Variants in C7 observed in about 807,000 individuals in gnomAD.
C7 encodes the protein complement C7.
A neutral mutation model predicts 104.8 loss-of-function variants in C7; 83 were observed. The observed-to-expected ratio is 0.79, with a 90% CI of 0.66 to 0.95. C7 has a LOEUF of 0.95. Among genes scored for constraint, C7 ranks in the 40% least tolerant of loss-of-function variants. C7 has a pLI of 0.00. For synonymous variants in C7, 415 were observed against 360.6 expected (o/e 1.15, Z -1.71); for missense variants, 1,070 against 1,011.2 (o/e 1.06, Z -0.79).
intron 3 of C7, among the ~76,000 whole-genome samples, chr5:40,932,761 C>G (rs537815523): frequency 2.6e-5 from 4 of 151,964 alleles, no homozygotes; most frequent in Non-Finnish European, 2.9e-5. Flanking sequence ...TAAATAGAAG[C>G]AGAGAGATAG....
intron 14 of C7, chr5:40,972,184 G>A (rs938523135): frequency 1.4e-5 from 8 of 579,296 alleles, no homozygotes; most frequent in Admixed American, 8.8e-5. Context: ...AGGGGTGGGA[G>A]AGGGGGAGCT....
intron 1 of C7, among the ~76,000 whole-genome samples, chr5:40,917,032 G>T (rs1382642574): frequency 1.3e-5 from 2 of 151,880 alleles, no homozygotes; most frequent in African/African-American, 4.8e-5. Context: ...CTACTTGGGA[G>T]GCTGAGGCAA....
intron 6 of C7, among the ~76,000 whole-genome samples, chr5:40,941,480 T>C (rs1739935859): frequency 6.6e-6 from 1 of 151,960 alleles, no homozygotes. Flanking sequence ...AAAAAAGACT[T>C]TTTTCTGGTT....
At chr5:40,911,232 G>A (rs1250324875) in intron 1 of C7, 3 of 152,208 alleles carry the variant, frequency 2.0e-5, no homozygotes, top group African/African-American at 7.2e-5. Context: ...TTGGTGATAT[G>A]TGACAAAGAA....
rs1000192666 is a variant in C7, at chr5:40,947,817, T to G, written c.954T>G (p.Tyr318Ter). The part of the protein sequence containing the change: ...SLGGEYRVLF[Y>*]VDSEKLKQND... ...GAGGAGAATACAGAGTTCTATTTTA[T>G]GTGGACTCAGAAAAATTAAAACAAA... Residue 318 changes from tyrosine (Y) to a stop codon, truncating the protein, a stop_gained, in exon 8 of 18, where the codon TAT becomes TAG. Coordinates refer to ENST00000313164, the MANE Select transcript of C7 (RefSeq NM_000587.4). LOFTEE classifies it high-confidence loss of function. 1 of 1,612,326 alleles carries G rather than the reference T, an allele frequency of 6.2e-7. No homozygotes were observed.
intron 14 of C7, among the ~76,000 whole-genome samples, chr5:40,966,207 G>C (rs963594703): frequency 6.6e-6 from 1 of 151,798 alleles, no homozygotes; most frequent in Non-Finnish European, 1.5e-5. Flanking sequence ...TGGTGCACCC[G>C]TCACTCAGGC....
At chr5:40,962,915 ACT>A (rs1197892642) in intron 13 of C7, among the ~76,000 whole-genome samples, 1 of 152,120 alleles carries the variant, frequency 6.6e-6, no homozygotes, top group Non-Finnish European at 1.5e-5. Context: ...CTGAAAATTT[ACT>A]GTTTCCCCAA....
intron 14 of C7, chr5:40,967,757 AC>A: frequency 1.2e-5 from 2 of 173,812 alleles, no homozygotes; most frequent in South Asian, 1.4e-4. Context: ...ACTTTAACAA[AC>A]CCCATCCTGT....
intron 10 of C7, among the ~76,000 whole-genome samples, chr5:40,955,824 G>A (rs1183035990): frequency 1.3e-5 from 2 of 152,106 alleles, no homozygotes; most frequent in African/African-American, 2.4e-5. Flanking sequence ...TTTGATCTAA[G>A]TTCGATTATG....
intron 14 of C7, among the ~76,000 whole-genome samples, chr5:40,969,301 T>C (rs1392790848): frequency 2.6e-5 from 4 of 152,236 alleles, no homozygotes; most frequent in Non-Finnish European, 4.4e-5. Context: ...GTTGTAATTC[T>C]CCATCTTGTC....
intron 15 of C7, among the ~76,000 whole-genome samples, chr5:40,976,388 G>C (rs113982069): frequency 6.6e-6 from 1 of 152,184 alleles, no homozygotes; most frequent in African/African-American, 2.4e-5. Flanking sequence ...GCCTGGGCCA[G>C]TTTGTTAAAT....
At chr5:40,927,859 T>C (rs943314862) in intron 1 of C7, among the ~76,000 whole-genome samples, 5 of 152,210 alleles carry the variant, frequency 3.3e-5, no homozygotes, top group Non-Finnish European at 2.9e-5. Flanking sequence ...GGAATGTAAA[T>C]TAGTACAGCT....
chr5:40,923,527 C>T (rs1349627371), intron 1 of C7, among the ~76,000 whole-genome samples: 2 of 152,124 alleles, frequency 1.3e-5, no homozygotes, highest in African/African-American at 4.8e-5. Context: ...AGGCAGATCA[C>T]CTGAGGTCAG....
intron 6 of C7, among the ~76,000 whole-genome samples, chr5:40,943,493 G>T (rs1739982882): frequency 6.6e-6 from 1 of 151,570 alleles, no homozygotes; most frequent in Non-Finnish European, 1.5e-5. Flanking sequence ...AGAAGATGCT[G>T]AACTAAAGCA....
In C7 at chr5:40,982,663, A is replaced by G. The variant is rs1024975753; in HGVS notation, c.*1090A>G. 9.2e-5 allele frequency: 14 copies of G among 152,434 alleles called. No individual in the cohort carries two copies. The highest frequency in any genetic ancestry group is 3.4e-4 in the African/African-American group (14 of 41,578). 9.4% of individuals were successfully genotyped at this position (152,434 alleles called of 1,614,324 possible). A position where few individuals can be genotyped will look rare whatever the true frequency, so the allele number is the denominator to read the frequency against. ...TGAGGCATGAGTGACTGTGCATTTGAGAATAGTTTTCCCTATTCTGTGGAT... is the reference window on the plus strand; with the variant it reads ...TGAGGCATGAGTGACTGTGCATTTGGGAATAGTTTTCCCTATTCTGTGGAT... On this transcript the variant is annotated 3_prime_UTR_variant, in exon 18 of 18. Coordinates refer to ENST00000313164, the MANE Select transcript of C7 (RefSeq NM_000587.4).
Position 40,980,023 on chromosome 5 carries a change from A to G in C7, c.2350+114A>G, listed in dbSNP as rs1401627098. The G allele has an allele frequency of 1.3e-5, 12 of 907,896 alleles. No homozygotes were observed. In the East Asian group the frequency reaches 3.3e-4, roughly 25 times the overall value. The allele number at this position is 907,896 out of a possible 1,614,324, so 56.2% of individuals were successfully genotyped here. A position where few individuals can be genotyped will look rare whatever the true frequency, so the allele number is the denominator to read the frequency against. On this transcript the variant is annotated intron_variant, in intron 17 of 17. Coordinates refer to ENST00000313164, the MANE Select transcript of C7 (RefSeq NM_000587.4). ...GCCGAAGAAGATACTTGAGGATGTT[A>G]AAGACTCAGACTGATTTGACATGCA...
chr5:40,972,038 A>G (rs563265133), intron 14 of C7: 1 of 464,680 alleles, frequency 2.2e-6, no homozygotes, highest in African/African-American at 2.0e-5. Context: ...ATGAAAGTTA[A>G]TGAAACTCTC....
chr5:40,968,973 A>C (rs1389335846), intron 14 of C7, among the ~76,000 whole-genome samples: 4 of 152,058 alleles, frequency 2.6e-5, no homozygotes, highest in Non-Finnish European at 5.9e-5. Flanking sequence ...TTTTTAAATT[A>C]ATAACTTCAT....
chr5:40,978,097 C>G (rs774306976), intron 16 of C7, among the ~76,000 whole-genome samples: 1 of 149,170 alleles, frequency 6.7e-6, no homozygotes, highest in African/African-American at 2.5e-5. Flanking sequence ...TTCATGCCAC[C>G]GCACTCCAGC....
Sources: allele counts gnomAD v4.1 joint callset (sites outside exome capture counted in the v4.1 genomes callset), GRCh38; gene constraint gnomAD v4.1.1; transcripts MANE v1.5; gene names NCBI Gene and HGNC (gene_info 2026-07-23, HGNC 2026-07-21).